Variants in EVC observed in about 807,000 individuals in gnomAD.
EVC encodes the protein evC complex member EVC.
In EVC, 116 loss-of-function variants were observed where a neutral mutation model predicts 118.9. The ratio of observed to expected loss-of-function variants is 0.98; its 90% CI spans 0.84 to 1.14. The LOEUF is 1.14. Among genes scored for constraint, EVC ranks in the 50% most tolerant of loss-of-function variants. The probability of loss-of-function intolerance (pLI) is 0.00; values close to 1 mark genes in which losing one functional copy is unlikely to be tolerated. For synonymous variants in EVC, 619 were observed against 534.7 expected, an observed-to-expected ratio of 1.16 and a Z score of -2.18; for missense variants, 1,401 against 1,246.4, an observed-to-expected ratio of 1.12 and a Z score of -1.87.
intron 2 of EVC, among the ~76,000 whole-genome samples, chr4:5,726,670 A>G (rs985990186): frequency 6.9e-6 from 1 of 145,806 alleles, no homozygotes; most frequent in African/African-American, 2.5e-5. Context: ...CGCTGCACCC[A>G]CTAACTCGTC....
chr4:5,783,463 A>T, intron 11 of EVC, 89 bp from the exon 12 acceptor site: 1 of 1,235,420 alleles, frequency 8.1e-7, no homozygotes, highest in South Asian at 1.2e-5. Flanking sequence ...GTCTTGTGGG[A>T]GGCTTGTGGA....
chr4:5,771,047 A>T (rs952885041), intron 11 of EVC, among the ~76,000 whole-genome samples: 7 of 152,066 alleles, frequency 4.6e-5, no homozygotes, highest in African/African-American at 1.4e-4. Flanking sequence ...TCAATGCATC[A>T]GCTAAACAAT....
Position 5,754,060 on chromosome 4 carries a change from C to A in EVC, c.1464+127C>A. On this transcript the variant is annotated intron_variant, in intron 10 of 20. Transcript: ENST00000264956. This position sits in a 1 kb window ranked among gnomAD's most constrained non-coding sequence, Gnocchi z 5.8. ...TATCTGCCTACTTCCCATGTGTCAG[C>A]CGAGTGACCGAATCTCAGTCCCTTA... is the stretch of plus-strand genomic sequence containing the variant. 8.2e-7 allele frequency: 1 copy of A among 1,215,580 alleles called. No homozygotes were observed. The highest frequency in any genetic ancestry group is 1.2e-6 in the Non-Finnish European group (1 of 841,350). The allele number at this position is 1,215,580 out of a possible 1,614,324, so 75.3% of individuals were successfully genotyped here.
At chr4:5,763,358 G>T (rs1182537918) in intron 11 of EVC, among the ~76,000 whole-genome samples, 1 of 146,712 alleles carries the variant, frequency 6.8e-6, no homozygotes, top group East Asian at 2.0e-4. Flanking sequence ...TTGTTCTTTT[G>T]GCTTAGGATT....
intron 11 of EVC, among the ~76,000 whole-genome samples, chr4:5,774,770 C>T (rs1734473752): frequency 6.6e-6 from 1 of 152,134 alleles, no homozygotes; most frequent in Non-Finnish European, 1.5e-5. Flanking sequence ...TTCTATTCCC[C>T]ACCAGAGTTC....
intron 12 of EVC, among the ~76,000 whole-genome samples, chr4:5,790,757 A>T (rs1712619302): frequency 6.6e-6 from 1 of 152,206 alleles, no homozygotes. Flanking sequence ...AGACACTGTG[A>T]AACAAAACAA....
rs1723007488 is a variant in EVC at position 5,711,479 on chromosome 4, G to A, written c.99G>A (p.Leu33=). 11 of 1,093,094 alleles carry A rather than the reference G, an allele frequency of 1.0e-5. No homozygotes were observed. Among genetic ancestry groups the A allele is most frequent in the South Asian group, 4.3e-5 (1 of 23,400 alleles). 67.7% of individuals were successfully genotyped at this position (1,093,094 alleles called of 1,614,324 possible). The change falls in exon 1 of 21, where the codon CTG becomes CTA. Residue 33 remains leucine, a synonymous_variant. Coordinates refer to ENST00000264956, the MANE Select transcript of EVC (RefSeq NM_153717.3). Reference sequence around the variant, plus strand: ...CCGCCCTGCTGGCCCCCGCCGTGCTGCTGGGCGCCGCGCTCGGCCTCGGCC... The same window carrying A: ...CCGCCCTGCTGGCCCCCGCCGTGCTACTGGGCGCCGCGCTCGGCCTCGGCC... ...PAPALLAPAV[L]LGAALGLGLG... is the part of the protein sequence containing the mutation.
chr4:5,730,628 A>T (rs1386430365), intron 3 of EVC, among the ~76,000 whole-genome samples: 1 of 151,970 alleles, frequency 6.6e-6, no homozygotes, highest in African/African-American at 2.4e-5. Flanking sequence ...AATGCAGGAC[A>T]GTGCATGATG....
At chr4:5,712,199 T>C (rs1400780417) in intron 1 of EVC, among the ~76,000 whole-genome samples, 1 of 152,150 alleles carries the variant, frequency 6.6e-6, no homozygotes, top group Non-Finnish European at 1.5e-5. Flanking sequence ...AATGCTAGCG[T>C]TTATTAAGTG....
chr4:5,804,617 A>G (rs1288845676), intron 16 of EVC, 113 bp from the exon 17 acceptor site: 2 of 826,994 alleles, frequency 2.4e-6, no homozygotes. Flanking sequence ...GGAAGGATAC[A>G]CTCTTGGAGA....
chr4:5,740,669 A>G (rs1293172292), intron 5 of EVC, among the ~76,000 whole-genome samples: 4 of 152,134 alleles, frequency 2.6e-5, no homozygotes, highest in Non-Finnish European at 5.9e-5. Flanking sequence ...AGAGTGAGAG[A>G]AAATGTTTGC....
chr4:5,730,963 C>T (rs984679157), intron 3 of EVC, among the ~76,000 whole-genome samples: 6 of 151,890 alleles, frequency 4.0e-5, no homozygotes, highest in African/African-American at 1.5e-4. Context: ...AGCGTGGAGC[C>T]TGTCGGTGGG....
rs372917743 is a variant in EVC at position 5,804,840 on chromosome 4, A to G, written c.2560A>G (p.Arg854Gly). Residue 854 changes from arginine (R) to glycine (G), a missense_variant and splice_region_variant, in exon 17 of 21, where the codon AGG becomes GGG. By Grantham distance (125) the Arg-to-Gly change is moderately radical. Transcript: ENST00000264956. ...AHETSQAVHQRMLSQQKRFLA... is the reference protein window; with the variant it reads ...AHETSQAVHQGMLSQQKRFLA... ...TGAGACCTCCCAGGCGGTCCACCAG[A>G]GGTGAGGTCCCAACTGAGGTCCCAC... 6.2e-7 allele frequency: 1 copy of G among 1,613,178 alleles called. No individual in the cohort carries two copies. Among genetic ancestry groups the G allele is most frequent in the Non-Finnish European group, 8.5e-7 (1 of 1,179,486 alleles).
intron 14 of EVC, among the ~76,000 whole-genome samples, chr4:5,797,578 A>G (rs1289485265): frequency 6.6e-5 from 10 of 152,190 alleles, no homozygotes. Flanking sequence ...GACACCAGGC[A>G]TATTGGATCA....
intron 12 of EVC, among the ~76,000 whole-genome samples, chr4:5,791,989 C>T (rs1577594276): frequency 6.6e-6 from 1 of 152,136 alleles, no homozygotes; most frequent in South Asian, 2.1e-4. Flanking sequence ...GCTCTGATGG[C>T]CTGTGCAGTG....
chr4:5,767,877 T>C (rs1011769255), intron 11 of EVC, among the ~76,000 whole-genome samples: 18 of 152,186 alleles, frequency 1.2e-4, no homozygotes, highest in Admixed American at 1.1e-3. Context: ...TCGCTCACGC[T>C]GGGAGCTGTA....
intron 6 of EVC, 94 bp from the exon 7 acceptor site, chr4:5,745,110 A>G: frequency 7.7e-7 from 1 of 1,294,350 alleles, no homozygotes; most frequent in Non-Finnish European, 1.1e-6. Context: ...ATTTTGTGAA[A>G]TTTGAAAAAT....
At chr4:5,818,689 C>T (rs1718041604), downstream of EVC, among the ~76,000 whole-genome samples, 1 of 152,194 alleles carries the variant, frequency 6.6e-6, no homozygotes, top group Non-Finnish European at 1.5e-5. Flanking sequence ...ATGTGATGCC[C>T]TGCACTGCCT....
intron 19 of EVC, 30 bp downstream of exon 19, chr4:5,809,641 G>A (rs951515216): frequency 6.3e-7 from 1 of 1,589,932 alleles, no homozygotes; most frequent in Non-Finnish European, 8.6e-7. Context: ...GTTGCAGCGG[G>A]AAGCACTCTG....
Sources: gnomAD v4.1 joint callset for allele counts (sites outside exome capture counted in the v4.1 genomes callset) on GRCh38, gnomAD v4.1.1 for gene constraint, Gnocchi (gnomAD v3.1) non-coding constraint, MANE v1.5 for transcripts, NCBI Gene and HGNC (gene_info 2026-07-23, HGNC 2026-07-21) for gene names.